ZNF780B: variants seen among roughly 807,000 people sequenced by gnomAD.
ZNF780B encodes zinc finger protein 780B.
In ZNF780B, 52 loss-of-function variants were observed where a neutral mutation model predicts 74.1. That is an observed-to-expected ratio of 0.70 (90% CI 0.56 to 0.88). ZNF780B has a LOEUF of 0.88. ZNF780B is among the 40% of genes least tolerant of loss of function. The pLI, the probability that ZNF780B is intolerant of heterozygous loss-of-function variation, is 0.00. For synonymous variants in ZNF780B, 315 were observed against 324.3 expected, an observed-to-expected ratio of 0.97 and a Z score of 0.31; for missense variants, 953 against 1,007.6, an observed-to-expected ratio of 0.95 and a Z score of 0.73.
intron 4 of ZNF780B, among the ~76,000 whole-genome samples, chr19:40,041,373 G>A (rs1972626849): frequency 6.6e-6 from 1 of 152,212 alleles, no homozygotes; most frequent in African/African-American, 2.4e-5. Flanking sequence ...TGAAAAGAAT[G>A]TATATTCTGT....
chr19:40,045,058 A>C (rs1431007078), intron 4 of ZNF780B, among the ~76,000 whole-genome samples: 1 of 152,238 alleles, frequency 6.6e-6, no homozygotes, highest in Non-Finnish European at 1.5e-5. Context: ...CGTTTATATC[A>C]GAAAAAAACA....
rs1429078904 is a variant in ZNF780B at position 40,034,326 on chromosome 19, GC to G, written c.*30del. On this transcript the variant is annotated 3_prime_UTR_variant, in exon 5 of 5. Coordinates refer to ENST00000434248, the MANE Select transcript of ZNF780B (RefSeq NM_001005851.3). ...ATGAAATTGGTAATGATATTGAAAG[GC>G]CTTCCCACATTCCTTACATTCAAAG... is the stretch of plus-strand genomic sequence containing the variant. The G allele has an allele frequency of 7.2e-6, 11 of 1,537,152 alleles. No homozygotes were observed. Among genetic ancestry groups the G allele is most frequent in the Non-Finnish European group, 9.8e-6 (11 of 1,126,192 alleles).
At position 40,029,167 on chromosome 19, in the gene ZNF780B, A is replaced by G. The variant is rs980803879; in HGVS notation, c.*5190T>C. 4 of 152,218 alleles carry G rather than the reference A, an allele frequency of 2.6e-5. No homozygotes were observed. Among genetic ancestry groups the G allele is most frequent in the Non-Finnish European group, 4.4e-5 (3 of 68,042 alleles). The allele number at this position is 152,218 out of a possible 1,614,324, so 9.4% of individuals were successfully genotyped here. ...AGAAGACTCATTGAAATGGAATGGTATTCTGGAAATTAAGACACACAGGTC... is the reference window on the plus strand; with the variant it reads ...AGAAGACTCATTGAAATGGAATGGTGTTCTGGAAATTAAGACACACAGGTC... On this transcript the variant is annotated 3_prime_UTR_variant, in exon 5 of 5. Coordinates refer to ENST00000434248, the MANE Select transcript of ZNF780B (RefSeq NM_001005851.3).
At position 40,036,316 on chromosome 19, in the gene ZNF780B, A is replaced by C. The variant is rs371106921; in HGVS notation, c.543T>G (p.Ile181Met). 2.5e-6 allele frequency: 4 copies of C among 1,613,794 alleles called. No individual in the cohort carries two copies. In the African/African-American group the frequency reaches 5.3e-5, roughly 22 times the overall value. The change falls in exon 5 of 5, where the codon ATT becomes ATG. Residue 181 changes from isoleucine to methionine, a missense_variant. By Grantham distance (10) the Ile-to-Met change is conservative. Coordinates refer to ENST00000434248, the MANE Select transcript of ZNF780B (RefSeq NM_001005851.3). ...CTCCAGTATGAATACTCTGATGCTG[A>C]ATAAGATTTGAACCACAACTAAAGT... Reference protein sequence around the residue: ...GKYFSCGSNLIQHQSIHTGEK... With the variant: ...GKYFSCGSNLMQHQSIHTGEK...
rs1268133200 is a variant in ZNF780B at position 40,039,724 on chromosome 19, T to C, written c.233-3098A>G. The stretch of plus-strand genomic sequence containing the variant: ...TGGCTCTCTGTTGGTCTGTTATTGG[T>C]GTATAAGAATGCTTGTGATTTTTGT... On this transcript the variant is annotated intron_variant, in intron 4 of 4. Coordinates refer to ENST00000434248, the MANE Select transcript of ZNF780B (RefSeq NM_001005851.3). Among the ~76,000 whole-genome samples the C allele has an allele frequency of 9.2e-5, 14 of 152,348 alleles. No homozygotes were observed. In the South Asian group the frequency reaches 1.4e-3, roughly 16 times the overall value.
intron 4 of ZNF780B, among the ~76,000 whole-genome samples, chr19:40,045,924 G>C (rs1392246089): frequency 6.6e-6 from 1 of 152,134 alleles, no homozygotes; most frequent in African/African-American, 2.4e-5. Context: ...GGAGGTGGAG[G>C]TTGCAGTGGG....
chr19:40,041,341 T>C (rs1972624672), intron 4 of ZNF780B, among the ~76,000 whole-genome samples: 1 of 152,220 alleles, frequency 6.6e-6, no homozygotes, highest in African/African-American at 2.4e-5. Context: ...TGGTCAATTT[T>C]GGAATAGGTG....
At position 40,032,420 on chromosome 19, in the gene ZNF780B, G is replaced by C. The variant is rs535892794; in HGVS notation, c.*1937C>G. 248 of 375,782 alleles carry C rather than the reference G, an allele frequency of 6.6e-4. 2 individuals are homozygous for C. The highest frequency in any genetic ancestry group is 5.0e-3 in the South Asian group (246 of 49,090). The allele number at this position is 375,782 out of a possible 1,614,324, so 23.3% of individuals were successfully genotyped here. A position where few individuals can be genotyped will look rare whatever the true frequency, so the allele number is the denominator to read the frequency against. ...CAGAATCTGCAATGGACTCTCCTTA[G>C]AAAATGAATAGCTGTAGGCCAGGCA... is the stretch of plus-strand genomic sequence containing the variant. On this transcript the variant is annotated 3_prime_UTR_variant, in exon 5 of 5. Coordinates refer to ENST00000434248, the MANE Select transcript of ZNF780B (RefSeq NM_001005851.3).
chr19:40,035,390 C>A lies in ZNF780B; in HGVS notation c.1469G>T (p.Arg490Leu), dbSNP rs372642244. The A allele has an allele frequency of 6.2e-7, 1 of 1,613,942 alleles. No homozygotes were observed. Among genetic ancestry groups the A allele is most frequent in the Non-Finnish European group, 8.5e-7 (1 of 1,179,952 alleles). Residue 490 changes from arginine to leucine, a missense_variant, in exon 5 of 5, where the codon CGA becomes CTA. Transcript: ENST00000434248. ...KAFSLLTQLA[R>L]HKNIHTGEKP... ...CTCACCAGTATGAATGTTCTTATGT[C>A]GAGCAAGCTGTGTCAGAAGACTAAA...
chr19:40,049,052 A>T, intron 2 of ZNF780B: 1 of 374,570 alleles, frequency 2.7e-6, no homozygotes, highest in Non-Finnish European at 4.8e-6. Context: ...AACGAGATGC[A>T]CTCCCTGGAA....
intron 2 of ZNF780B, among the ~76,000 whole-genome samples, chr19:40,049,233 CAAAAAAAAAAAA>C (rs35460563): frequency 2.8e-5 from 1 of 35,150 alleles, no homozygotes; most frequent in African/African-American, 7.5e-5. Context: ...GACCCTATCT[CAAAAAAAAAAAA>C]AAAAAAAAAA....
rs748857989 is a variant in ZNF780B, at chr19:40,036,339, A to G, written c.520T>C (p.Phe174Leu). 6.2e-7 allele frequency: 1 copy of G among 1,613,926 alleles called. No homozygotes were observed. Among genetic ancestry groups the G allele is most frequent in the Non-Finnish European group, 8.5e-7 (1 of 1,179,954 alleles). The change falls in exon 5 of 5, where the codon TTT becomes CTT. Residue 174 changes from phenylalanine to leucine, a missense_variant. By Grantham distance (22) the Phe-to-Leu change is conservative. Transcript: ENST00000434248. The stretch of plus-strand genomic sequence containing the variant: ...TGAATAAGATTTGAACCACAACTAA[A>G]GTATTTCCCACATTCCTTACATTCA... ...PYECKECGKY[F>L]SCGSNLIQHQ...
rs979234969 is a variant in ZNF780B at position 40,028,667 on chromosome 19, G to C, written c.*5690C>G. ...TTAAAGTGGATAAAATATAATAAAA[G>C]TTAATTTCTCTGTCATATAATATGG... is the stretch of plus-strand genomic sequence containing the variant. On this transcript the variant is annotated 3_prime_UTR_variant, in exon 5 of 5. Coordinates refer to ENST00000434248, the MANE Select transcript of ZNF780B (RefSeq NM_001005851.3). 2 of 152,176 alleles carry C rather than the reference G, an allele frequency of 1.3e-5. No individual in the cohort carries two copies. Among genetic ancestry groups the C allele is most frequent in the African/African-American group, 4.8e-5 (2 of 41,430 alleles). The allele number at this position is 152,176 out of a possible 1,614,324, so 9.4% of individuals were successfully genotyped here. A position where few individuals can be genotyped will look rare whatever the true frequency, so the allele number is the denominator to read the frequency against.
chr19:40,031,111 T>C lies in ZNF780B; in HGVS notation c.*3246A>G, dbSNP rs1227683680. ...CATAAAAAGAAGAAAGCTATCAATA[T>C]AAATTATCACTTTATAGATTTTTCA... On this transcript the variant is annotated 3_prime_UTR_variant, in exon 5 of 5. Transcript: ENST00000434248. 1 of 152,224 alleles carries C rather than the reference T, an allele frequency of 6.6e-6. No individual in the cohort carries two copies. Among genetic ancestry groups the C allele is most frequent in the African/African-American group, 2.4e-5 (1 of 41,458 alleles). The allele number at this position is 152,224 out of a possible 1,614,324, so 9.4% of individuals were successfully genotyped here. A position where few individuals can be genotyped will look rare whatever the true frequency, so the allele number is the denominator to read the frequency against.
Position 40,034,777 on chromosome 19 carries a change from C to T in ZNF780B, c.2082G>A (p.Ala694=), listed in dbSNP as rs756485399. The change falls in exon 5 of 5, where the codon GCG becomes GCA. Residue 694 remains alanine, a synonymous_variant. Coordinates refer to ENST00000434248, the MANE Select transcript of ZNF780B (RefSeq NM_001005851.3). The part of the protein sequence containing the change: ...LIQHQKTHSS[A]KPFVCKECRK... The stretch of plus-strand genomic sequence containing the variant: ...TACACTCCTTACATACAAAGGGTTT[C>T]GCACTGGAATGAGTTTTCTGATGCT... 1.9e-5 allele frequency: 31 copies of T among 1,613,722 alleles called. No homozygotes were observed. Among genetic ancestry groups the T allele is most frequent in the East Asian group, 8.9e-5 (4 of 44,860 alleles).
intron 4 of ZNF780B, among the ~76,000 whole-genome samples, chr19:40,038,350 T>C (rs1403676724): frequency 6.6e-6 from 1 of 152,162 alleles, no homozygotes; most frequent in Non-Finnish European, 1.5e-5. Context: ...GACTTTGCTA[T>C]TGTGAATAGT....
intron 1 of ZNF780B, among the ~76,000 whole-genome samples, chr19:40,051,887 C>T (rs1050889872): frequency 4.3e-4 from 65 of 152,212 alleles, no homozygotes; most frequent in African/African-American, 1.5e-3. Flanking sequence ...GGATACAATT[C>T]CTACAGAATG....
rs185774407 is a variant in ZNF780B, at chr19:40,032,613, G to A, written c.*1744C>T. On this transcript the variant is annotated 3_prime_UTR_variant, in exon 5 of 5. Transcript: ENST00000434248. ...GGTGCCTCTAGTCCCAGCTACTCAG[G>A]AGGCTGAGGCGGGAGAATGGCGTGA... 4.1e-3 allele frequency: 696 copies of A among 170,814 alleles called. 5 individuals carry two copies. The highest frequency in any genetic ancestry group is 0.031 in the Middle Eastern group (11 of 352). The allele number at this position is 170,814 out of a possible 1,614,324, so 10.6% of individuals were successfully genotyped here.
Position 40,032,865 on chromosome 19 carries a change from T to G in ZNF780B, c.*1492A>C, listed in dbSNP as rs1972060245. 2 of 153,300 alleles carry G rather than the reference T, an allele frequency of 1.3e-5. No individual in the cohort carries two copies. Among genetic ancestry groups the G allele is most frequent in the South Asian group, 4.1e-4 (2 of 4,836 alleles). 9.5% of individuals were successfully genotyped at this position (153,300 alleles called of 1,614,324 possible). A position where few individuals can be genotyped will look rare whatever the true frequency, so the allele number is the denominator to read the frequency against. ...GTACTATGGTTATATGATATTGTCT[T>G]TATGTTTGGGTAACACACATGCTGA... is the stretch of plus-strand genomic sequence containing the variant. On this transcript the variant is annotated 3_prime_UTR_variant, in exon 5 of 5. Transcript: ENST00000434248.
Sources: allele counts gnomAD v4.1 joint callset (sites outside exome capture counted in the v4.1 genomes callset), GRCh38; gene constraint gnomAD v4.1.1; transcripts MANE v1.5; gene names NCBI Gene and HGNC (gene_info 2026-07-23, HGNC 2026-07-21).